Variants in MDM1 observed in about 807,000 individuals in gnomAD.
MDM1 encodes stabilizer of axonemal microtubules 6.
MDM1 carries 61 observed loss-of-function variants against 89.1 expected under a neutral mutation model. The observed-to-expected ratio is 0.68, with a 90% CI of 0.56 to 0.85. MDM1 has a LOEUF of 0.85. Ranked by LOEUF, MDM1 falls within the 40% of genes least tolerant of loss-of-function variation. MDM1 has a pLI of 0.00. For synonymous variants in MDM1, 290 were observed against 294.1 expected, an observed-to-expected ratio of 0.99 and a Z score of 0.14; for missense variants, 820 against 846.5, an observed-to-expected ratio of 0.97 and a Z score of 0.39.
intron 7 of MDM1, among the ~76,000 whole-genome samples, chr12:68,317,390 A>G (rs1290201725): frequency 2.0e-5 from 3 of 152,104 alleles, no homozygotes; most frequent in African/African-American, 7.2e-5. Context: ...TTTATTCTAG[A>G]ATTGCTTTTC....
chr12:68,327,075 A>ACAACT, intron 2 of MDM1, 54 bp from the exon 3 acceptor site: 1 of 1,515,868 alleles, frequency 6.6e-7, no homozygotes, highest in Non-Finnish European at 8.7e-7. Context: ...AGTTACAAAG[A>ACAACT]CAACTTTTAA....
chr12:68,327,351 G>T, intron 2 of MDM1: 12 of 1,522,838 alleles, frequency 7.9e-6, no homozygotes, highest in Non-Finnish European at 1.1e-5. Flanking sequence ...ATGCTGCCTC[G>T]TTTCTAATTA....
intron 1 of MDM1, chr12:68,331,970 T>C (rs1434512475): frequency 2.9e-6 from 2 of 694,294 alleles, no homozygotes; most frequent in African/African-American, 1.8e-5. Flanking sequence ...TCCACTCCTC[T>C]TGAGTCCCCC....
intron 7 of MDM1, among the ~76,000 whole-genome samples, chr12:68,320,452 C>A (rs534454386): frequency 6.6e-6 from 1 of 152,306 alleles, no homozygotes; most frequent in African/African-American, 2.4e-5. Context: ...AAACAATATG[C>A]AGACAGCATG....
At chr12:68,309,519 T>C (rs531256699) in intron 12 of MDM1, among the ~76,000 whole-genome samples, 1 of 152,238 alleles carries the variant, frequency 6.6e-6, no homozygotes, top group African/African-American at 2.4e-5. Context: ...CATAAGATTA[T>C]GTACCATGTC....
At chr12:68,314,220 G>A (rs115990440) in intron 10 of MDM1, among the ~76,000 whole-genome samples, 1,844 of 150,294 alleles carry the variant, frequency 0.012, 31 homozygotes, top group African/African-American at 0.037. Context: ...AGTTAAAAGC[G>A]ACTGAAATTT....
Position 68,326,780 on chromosome 12 carries a change from G to A in MDM1, c.375C>T (p.Asp125=). The A allele has an allele frequency of 1.2e-6, 2 of 1,614,056 alleles. No homozygotes were observed. Among genetic ancestry groups the A allele is most frequent in the Non-Finnish European group, 1.7e-6 (2 of 1,179,978 alleles). The change falls in exon 3 of 15, where the codon GAC becomes GAT. Residue 125 remains aspartate (D), a synonymous_variant. Transcript: ENST00000682720. ...CATCTGAAGCCCCTTCAGCTCTGGA[G>A]TCTGCAGAGTGAGATCTGGTTCTTT... The part of the protein sequence containing the change: ...VPKRTRSHSA[D]SRAEGASDVE...
In MDM1 at chr12:68,320,258, G is replaced by A. The variant is rs574621580; in HGVS notation, c.1005+1089C>T. On this transcript the variant is annotated intron_variant, in intron 7 of 14. Coordinates refer to ENST00000682720, the MANE Select transcript of MDM1 (RefSeq NM_001354969.2). ...CCTTTCTTCCATCACGGGTGCTTTC[G>A]ATGCTCCTAGTTTTAACTTGATTTC... Among the ~76,000 whole-genome samples the A allele has an allele frequency of 9.8e-5, 15 of 152,292 alleles. No individual in the cohort carries two copies. In the East Asian group the frequency reaches 2.1e-3, roughly 22 times the overall value.
intron 12 of MDM1, among the ~76,000 whole-genome samples, chr12:68,306,173 AC>A (rs1222908297): frequency 2.6e-5 from 4 of 152,000 alleles, no homozygotes; most frequent in African/African-American, 7.2e-5. Flanking sequence ...GAAAAAGGAC[AC>A]CCTATTCAAT....
intron 1 of MDM1, 176 bp downstream of exon 1, chr12:68,332,052 G>A (rs1593002877): frequency 1.0e-5 from 8 of 791,810 alleles, no homozygotes; most frequent in Non-Finnish European, 1.7e-5. Flanking sequence ...AGCGGAGAGG[G>A]AACTAGGTTA....
intron 13 of MDM1, among the ~76,000 whole-genome samples, chr12:68,300,386 T>C (rs1025152052): frequency 2.0e-5 from 3 of 151,994 alleles, no homozygotes; most frequent in African/African-American, 2.4e-5. Context: ...TTAAAAGATA[T>C]GGAATGGCAG....
intron 7 of MDM1, 33 bp from the exon 8 acceptor site, chr12:68,316,643 T>G (rs1363887547): frequency 1.3e-6 from 2 of 1,485,524 alleles, no homozygotes; most frequent in East Asian, 4.9e-5. Flanking sequence ...CACTTAATGA[T>G]AGGTTAATGC....
At chr12:68,300,435 A>G (rs1871986450) in intron 13 of MDM1, among the ~76,000 whole-genome samples, 1 of 152,138 alleles carries the variant, frequency 6.6e-6, no homozygotes. Context: ...CTAATGCACA[A>G]AGATTCATAT....
intron 12 of MDM1, among the ~76,000 whole-genome samples, chr12:68,310,404 G>T (rs1387343706): frequency 6.6e-6 from 1 of 152,150 alleles, no homozygotes; most frequent in East Asian, 1.9e-4. Context: ...TAATTCCACA[G>T]TAAGTGAAAA....
In MDM1 at chr12:68,332,245, T is replaced by TGTCGCCCGGCGCC; in HGVS notation, c.-13_-1dup. 6.3e-7 allele frequency: 1 copy of TGTCGCCCGGCGCC among 1,583,424 alleles called. No homozygotes were observed. Among genetic ancestry groups the TGTCGCCCGGCGCC allele is most frequent in the East Asian group, 2.3e-5 (1 of 43,084 alleles). On this transcript the variant is annotated 5_prime_UTR_variant, in exon 1 of 15. Transcript: ENST00000682720. ...AGCCTCACCTTGAAGCGCACCGGCA[T>TGTCGCCCGGCGCC]GTCGCCCGGCGCCGGAGCCCCCGCT...
intron 13 of MDM1, 84 bp downstream of exon 13, chr12:68,302,536 A>T: frequency 8.6e-7 from 1 of 1,166,802 alleles, no homozygotes; most frequent in Non-Finnish European, 1.2e-6. Flanking sequence ...CTGATTTATT[A>T]ACATAAAATG....
chr12:68,331,362 G>A (rs1876792841), intron 1 of MDM1, 141 bp from the exon 2 acceptor site: 3 of 647,368 alleles, frequency 4.6e-6, no homozygotes, highest in East Asian at 2.6e-5. Context: ...CTTAATAAGA[G>A]CTAATATTCA....
At chr12:68,327,654 G>A (rs934539791) in intron 2 of MDM1, 4 of 756,746 alleles carry the variant, frequency 5.3e-6, no homozygotes, top group Non-Finnish European at 8.6e-6. Flanking sequence ...CTGAGAGACT[G>A]CCCTAGTTTA....
intron 7 of MDM1, chr12:68,321,086 T>C (rs1236497675): frequency 1.4e-5 from 5 of 346,154 alleles, no homozygotes; most frequent in Non-Finnish European, 2.6e-5. Flanking sequence ...ATAAATTGAC[T>C]ATTAACACAA....
Sources: gnomAD v4.1 joint callset for allele counts (sites outside exome capture counted in the v4.1 genomes callset) on GRCh38, gnomAD v4.1.1 for gene constraint, MANE v1.5 for transcripts, NCBI Gene and HGNC (gene_info 2026-07-23, HGNC 2026-07-21) for gene names.